Variants in SEMA3G observed in about 807,000 individuals in gnomAD.
SEMA3G encodes semaphorin-3G.
In SEMA3G, 70 loss-of-function variants were observed where a neutral mutation model predicts 86.2. The ratio of observed to expected loss-of-function variants is 0.81; its 90% confidence interval spans 0.67 to 0.99. SEMA3G has a LOEUF of 0.99. Ranked by LOEUF, SEMA3G falls within the 50% of genes least tolerant of loss-of-function variation. SEMA3G has a pLI of 0.00. For synonymous variants in SEMA3G, 416 were observed against 441.4 expected (o/e 0.94, Z 0.72); for missense variants, 1,002 against 1,072.4 (o/e 0.93, Z 0.92).
chr3:52,438,848 C>T, intron 13 of SEMA3G, 72 bp downstream of exon 13: 1 of 1,594,492 alleles, frequency 6.3e-7, no homozygotes, highest in South Asian at 1.1e-5. Flanking sequence ...GGCTGCGGAG[C>T]AGGGGCAGAG....
At position 52,435,940 on chromosome 3, in the gene SEMA3G, A is replaced by C. The variant is rs185476879; in HGVS notation, c.2012T>G (p.Leu671Arg). ...GFSQTVVRLA[L>R]VVIVASQLDN... is the part of the protein sequence containing the mutation. ...CAGCTGTGAGGCCACAATCACCACC[A>C]GAGCCAGGCGGACCACAGTCTGGGA... is the stretch of plus-strand genomic sequence containing the variant. Residue 671 changes from leucine to arginine, a missense_variant, in exon 16 of 16, where the codon CTG becomes CGG. By Grantham distance (102) the Leu-to-Arg change is moderately radical (BLOSUM62 -2). Transcript: ENST00000231721. The C allele has an allele frequency of 6.2e-7, 1 of 1,614,008 alleles. No individual in the cohort carries two copies. Among genetic ancestry groups the C allele is most frequent in the African/African-American group, 1.3e-5 (1 of 75,052 alleles).
chr3:52,444,842 A>G (rs1706235500), intron 1 of SEMA3G, 71 bp downstream of exon 1: 2 of 1,167,712 alleles, frequency 1.7e-6, no homozygotes, highest in Non-Finnish European at 2.2e-6. Context: ...AACACGGCAC[A>G]TGCACCCAAA....
intron 1 of SEMA3G, among the ~76,000 whole-genome samples, chr3:52,444,332 C>T (rs1487055685): frequency 6.6e-6 from 1 of 152,130 alleles, no homozygotes; most frequent in Non-Finnish European, 1.5e-5. Context: ...CCCACCGCCA[C>T]CCTGGTCCTG....
intron 6 of SEMA3G, 61 bp from the exon 7 acceptor site, chr3:52,441,470 A>T (rs373904692): frequency 1.3e-6 from 2 of 1,597,894 alleles, no homozygotes. Context: ...TGGGAGTAGA[A>T]CCCAGTGGGG....
chr3:52,441,439 G>A, intron 6 of SEMA3G, 30 bp from the exon 7 acceptor site: 2 of 1,610,558 alleles, frequency 1.2e-6, no homozygotes, highest in Non-Finnish European at 8.5e-7. Flanking sequence ...ATGCTGGGTG[G>A]AGGGGCCCCA....
chr3:52,440,892 T>TCCACTAGCCCTCCAGCTAGGG, intron 8 of SEMA3G, 42 bp downstream of exon 8: 2 of 1,599,058 alleles, frequency 1.3e-6, no homozygotes, highest in Non-Finnish European at 8.5e-7. Context: ...CTCTCAGCCC[T>TCCACTAGCCCTCCAGCTAGGG]CCCCACTCCC....
At chr3:52,437,447 T>G in intron 15 of SEMA3G, 80 bp downstream of exon 15, 3 of 1,423,578 alleles carry the variant, frequency 2.1e-6, no homozygotes, top group Non-Finnish European at 2.9e-6. Context: ...AACCCCTTTC[T>G]GGGGCTCAGG....
chr3:52,442,016 G>T lies in SEMA3G; in HGVS notation c.460-107C>A. The T allele has an allele frequency of 7.6e-7, 1 of 1,312,534 alleles. No homozygotes were observed. Among genetic ancestry groups the T allele is most frequent in the Non-Finnish European group, 1.0e-6 (1 of 952,756 alleles). The allele number at this position is 1,312,534 out of a possible 1,614,324, so 81.3% of individuals were successfully genotyped here. A position where few individuals can be genotyped will look rare whatever the true frequency, so the allele number is the denominator to read the frequency against. On this transcript the variant is annotated intron_variant, in intron 4 of 15. Coordinates refer to ENST00000231721, the MANE Select transcript of SEMA3G (RefSeq NM_020163.3). The surrounding 1 kb of genome is among the most constrained non-coding windows in gnomAD (Gnocchi z 6.1). ...GTGCGGCCAGAGAGCGGGGGTGGGC[G>T]GAAGGCGTCCTCATCCAGGGCCCCT...
intron 12 of SEMA3G, 97 bp from the exon 13 acceptor site, chr3:52,439,058 C>T (rs1334987207): frequency 2.2e-6 from 3 of 1,344,714 alleles, no homozygotes; most frequent in Non-Finnish European, 3.1e-6. Context: ...GTGGGAACCA[C>T]CTAGCTCCCA....
chr3:52,441,834 C>G lies in SEMA3G; in HGVS notation c.535G>C (p.Ala179Pro). The change falls in exon 5 of 16, where the codon GCC becomes CCC. Residue 179 changes from alanine to proline, a missense_variant. Physicochemically the swap from Ala to Pro is conservative, Grantham distance 27. Transcript: ENST00000231721. ...RCPHEPSRPF[A>P]STFIDGELYT... The stretch of plus-strand genomic sequence containing the variant: ...CATCACCCACCTATGAAGGTGCTGG[C>G]AAAGGGACGGCTGGGCTCGTGAGGG... 6.2e-7 allele frequency: 1 copy of G among 1,605,980 alleles called. No homozygotes were observed. The highest frequency in any genetic ancestry group is 8.5e-7 in the Non-Finnish European group (1 of 1,176,474).
chr3:52,436,126 C>A, intron 15 of SEMA3G, 53 bp from the exon 16 acceptor site: 1 of 1,527,134 alleles, frequency 6.5e-7, no homozygotes, highest in East Asian at 2.4e-5. Flanking sequence ...AGTTTACCAT[C>A]GGCTTCTCTG....
chr3:52,438,587 T>G lies in SEMA3G; in HGVS notation c.1509+333A>C, dbSNP rs1004645040. 3 of 985,370 alleles carry G rather than the reference T, an allele frequency of 3.0e-6. No homozygotes were observed. The African/African-American group carries it at 5.2e-5, about 17-fold the overall frequency. 61.0% of individuals were successfully genotyped at this position (985,370 alleles called of 1,614,324 possible). On this transcript the variant is annotated intron_variant, in intron 13 of 15. Transcript: ENST00000231721. ...AAAGATACACTGGAGCAGATAAATATGGGGAGACGGGTTTTGCCACTTGGC... is the reference window on the plus strand; with the variant it reads ...AAAGATACACTGGAGCAGATAAATAGGGGGAGACGGGTTTTGCCACTTGGC...
chr3:52,439,888 C>G lies in SEMA3G; in HGVS notation c.1354G>C (p.Asp452His). 2 of 1,613,338 alleles carry G rather than the reference C, an allele frequency of 1.2e-6. No individual in the cohort carries two copies. Among genetic ancestry groups the G allele is most frequent in the Non-Finnish European group, 1.7e-6 (2 of 1,179,676 alleles). The change falls in exon 11 of 16, where the codon GAT (aspartate) becomes CAT (histidine). Residue 452 changes from aspartate (D) to histidine (H), a missense_variant. By Grantham distance (81) the Asp-to-His change is moderately conservative. Transcript: ENST00000231721. ...CTACCAGTCCCCAGGAAAATGACATCGTAGGTCCCATCCTCTGCCTCCACG... is the reference window on the plus strand; with the variant it reads ...CTACCAGTCCCCAGGAAAATGACATGGTAGGTCCCATCCTCTGCCTCCACG... ...DRVEAEDGTYDVIFLGTDSGS... is the reference protein window; with the variant it reads ...DRVEAEDGTYHVIFLGTDSGS...
At chr3:52,436,522 G>A (rs535470858) in intron 15 of SEMA3G, among the ~76,000 whole-genome samples, 29 of 152,326 alleles carry the variant, frequency 1.9e-4, no homozygotes, top group Admixed American at 3.3e-4. Flanking sequence ...TACAATGTGC[G>A]TGTGCCCACG....
At chr3:52,440,604 G>A in intron 9 of SEMA3G, 83 bp from the exon 10 acceptor site, 1 of 1,503,132 alleles carries the variant, frequency 6.7e-7, no homozygotes. Flanking sequence ...GCAGGACAGA[G>A]GGTGACAGTG....
chr3:52,435,269 A>C lies in SEMA3G; in HGVS notation c.*334T>G. On this transcript the variant is annotated 3_prime_UTR_variant, in exon 16 of 16. Coordinates refer to ENST00000231721, the MANE Select transcript of SEMA3G (RefSeq NM_020163.3). ...ATGGCCATTGTTCTGTAGGCTGGGAAAGAACCACCCAACCCTCTTGCCTCT... is the reference window on the plus strand; with the variant it reads ...ATGGCCATTGTTCTGTAGGCTGGGACAGAACCACCCAACCCTCTTGCCTCT... 1 of 346,838 alleles carries C rather than the reference A, an allele frequency of 2.9e-6. No individual in the cohort carries two copies. 21.5% of individuals were successfully genotyped at this position (346,838 alleles called of 1,614,324 possible).
rs1473794481 is a variant in SEMA3G at position 52,434,079 on chromosome 3, G to A, written c.*1524C>T. ...TCTGGGTTTGAGTTTCAATAGGGCA[G>A]GGAACCCTGGCTTGCTTTTTATCTT... On this transcript the variant is annotated 3_prime_UTR_variant, in exon 16 of 16. Transcript: ENST00000231721. This position sits in a 1 kb window ranked among gnomAD's most constrained non-coding sequence, Gnocchi z 5.2. 1 of 152,140 alleles carries A rather than the reference G, an allele frequency of 6.6e-6. No homozygotes were observed. The highest frequency in any genetic ancestry group is 1.9e-4 in the East Asian group (1 of 5,196). 9.4% of individuals were successfully genotyped at this position (152,140 alleles called of 1,614,324 possible). A position where few individuals can be genotyped will look rare whatever the true frequency, so the allele number is the denominator to read the frequency against.
In SEMA3G at chr3:52,438,128, A is replaced by G; in HGVS notation, c.1581T>C (p.Thr527=). The part of the protein sequence containing the change: ...LRLHQCETYG[T]ACAECCLARD... ...GGGCCAGGCAGCACTCTGCACAGGC[A>G]GTGCCGTAAGTCTCACATTGGTGCA... Residue 527 remains threonine (T), a synonymous_variant, in exon 14 of 16, where the codon ACT becomes ACC. Transcript: ENST00000231721. 1.2e-6 allele frequency: 2 copies of G among 1,613,296 alleles called. No homozygotes were observed. Among genetic ancestry groups the G allele is most frequent in the East Asian group, 2.2e-5 (1 of 44,874 alleles).
At position 52,435,304 on chromosome 3, in the gene SEMA3G, C is replaced by T. The variant is rs1183104512; in HGVS notation, c.*299G>A. 8.8e-6 allele frequency: 4 copies of T among 455,590 alleles called. No homozygotes were observed. Among genetic ancestry groups the T allele is most frequent in the Admixed American group, 3.9e-5 (1 of 25,846 alleles). The allele number at this position is 455,590 out of a possible 1,614,324, so 28.2% of individuals were successfully genotyped here. A position where few individuals can be genotyped will look rare whatever the true frequency, so the allele number is the denominator to read the frequency against. On this transcript the variant is annotated 3_prime_UTR_variant, in exon 16 of 16. Transcript: ENST00000231721. ...CAACCCTCTTGCCTCTGGGCACACCCGGAAATGTGTTGCGGAAGCCAGGCC... is the reference window on the plus strand; with the variant it reads ...CAACCCTCTTGCCTCTGGGCACACCTGGAAATGTGTTGCGGAAGCCAGGCC...
Sources: allele counts gnomAD v4.1 joint callset (sites outside exome capture counted in the v4.1 genomes callset), GRCh38; gene constraint gnomAD v4.1.1; non-coding constraint Gnocchi (gnomAD v3.1); transcripts MANE v1.5; gene names NCBI Gene and HGNC (gene_info 2026-07-23, HGNC 2026-07-21).